Variants in ANKRD55 observed in about 807,000 individuals in gnomAD.
ANKRD55 encodes the protein ankyrin repeat domain-containing protein 55.
In ANKRD55, 41 loss-of-function variants were observed where a neutral mutation model predicts 60.6. The observed-to-expected ratio is 0.68, with a 90% CI of 0.53 to 0.88. The LOEUF (loss-of-function observed/expected upper bound fraction) is 0.88, where lower values mean the gene tolerates loss of function less well. Ranked by LOEUF, ANKRD55 falls within the 40% of genes least tolerant of loss-of-function variation. The pLI, the probability that ANKRD55 is intolerant of heterozygous loss-of-function variation, is 0.00. For missense variants in ANKRD55, 732 were observed against 767.6 expected (o/e 0.95, Z 0.55); for synonymous variants, 264 against 290.3 (o/e 0.91, Z 0.92).
rs1046594618 is a variant in ANKRD55 at position 56,232,737 on chromosome 5, C to A, written c.58+119G>T. The A allele has an allele frequency of 7.7e-6, 7 of 910,234 alleles. No individual in the cohort carries two copies. The African/African-American group carries it at 1.6e-4, about 21-fold the overall frequency. 56.4% of individuals were successfully genotyped at this position (910,234 alleles called of 1,614,324 possible). On this transcript the variant is annotated intron_variant, in intron 2 of 11. Coordinates refer to ENST00000341048, the MANE Select transcript of ANKRD55 (RefSeq NM_024669.3). ...CATAGCAAATACTCATGCACACCCA[C>A]GCACATGAACACACACACACACACA...
rs146296113 is a variant in ANKRD55 at position 56,142,505 on chromosome 5, C to T, written c.612+1296G>A. On this transcript the variant is annotated intron_variant, in intron 7 of 11. Coordinates refer to ENST00000341048, the MANE Select transcript of ANKRD55 (RefSeq NM_024669.3). ...TGGGGCTGGGATGGTGGAAGGGGGA[C>T]GCATGTCAGTCAGAATTACCTGGGG... 2.6e-3 allele frequency among the ~76,000 whole-genome samples: 395 copies of T among 152,218 alleles called. 1 individual carries two copies. Among genetic ancestry groups the T allele is most frequent in the Non-Finnish European group, 4.5e-3 (304 of 68,010 alleles).
At chr5:56,229,659 T>C (rs1192289661) in intron 2 of ANKRD55, among the ~76,000 whole-genome samples, 1 of 152,076 alleles carries the variant, frequency 6.6e-6, no homozygotes, top group Admixed American at 6.6e-5. Flanking sequence ...AAGAGAAATA[T>C]AGGAAAATGC....
intron 2 of ANKRD55, among the ~76,000 whole-genome samples, chr5:56,189,190 T>TA (rs919901855): frequency 9.9e-5 from 15 of 150,814 alleles, no homozygotes; most frequent in Admixed American, 4.6e-4. Context: ...TTTTTTTAAT[T>TA]AAAAAAATTG....
chr5:56,157,187 G>C (rs1758213918), intron 6 of ANKRD55, among the ~76,000 whole-genome samples: 1 of 152,116 alleles, frequency 6.6e-6, no homozygotes, highest in Non-Finnish European at 1.5e-5. Context: ...ATGGATTTAG[G>C]GCTATGCAGG....
At chr5:56,170,958 G>A (rs1267592648) in intron 4 of ANKRD55, among the ~76,000 whole-genome samples, 155 bp from the exon 5 acceptor site, 1 of 152,142 alleles carries the variant, frequency 6.6e-6, no homozygotes, top group African/African-American at 2.4e-5. Context: ...CATCTTAGAT[G>A]CCTCAACAGA....
rs557053861 is a variant in ANKRD55, at chr5:56,188,696, A to T, written c.59-5062T>A. Among the ~76,000 whole-genome samples, 6 of 152,344 alleles carry T rather than the reference A, an allele frequency of 3.9e-5. No homozygotes were observed. In the South Asian group the frequency reaches 1.2e-3, roughly 32 times the overall value. On this transcript the variant is annotated intron_variant, in intron 2 of 11. Coordinates refer to ENST00000341048, the MANE Select transcript of ANKRD55 (RefSeq NM_024669.3). Reference sequence around the variant, plus strand: ...TCTACGTGGCTGTTTTTATGCCAGTATCATGCTATTTTGGTTACTATAGCC... The same window carrying T: ...TCTACGTGGCTGTTTTTATGCCAGTTTCATGCTATTTTGGTTACTATAGCC...
chr5:56,126,854 C>G (rs321768), intron 8 of ANKRD55, 68 bp downstream of exon 8: 1 of 1,510,154 alleles, frequency 6.6e-7, no homozygotes, highest in East Asian at 2.3e-5. Flanking sequence ...TTAAACATCT[C>G]CTTTATTTTA....
chr5:56,232,349 A>T (rs757320094), intron 2 of ANKRD55, among the ~76,000 whole-genome samples: 3 of 152,234 alleles, frequency 2.0e-5, no homozygotes, highest in Admixed American at 6.5e-5. Context: ...ATGAGATAAC[A>T]TATCAACCCG....
At chr5:56,138,410 G>A (rs1345553861) in intron 7 of ANKRD55, among the ~76,000 whole-genome samples, 1 of 152,194 alleles carries the variant, frequency 6.6e-6, no homozygotes, top group African/African-American at 2.4e-5. Context: ...ACAGGTGTGA[G>A]CCAACGTGCC....
intron 4 of ANKRD55, among the ~76,000 whole-genome samples, chr5:56,175,623 T>C (rs1327372450): frequency 6.6e-6 from 1 of 152,070 alleles, no homozygotes; most frequent in Non-Finnish European, 1.5e-5. Flanking sequence ...TGAGCCCTGA[T>C]TGTGGGCTGA....
chr5:56,124,783 G>A (rs999075011), intron 8 of ANKRD55, among the ~76,000 whole-genome samples: 2 of 152,164 alleles, frequency 1.3e-5, no homozygotes, highest in African/African-American at 4.8e-5. Context: ...TGGGATTATA[G>A]ATGTGAGCCA....
At chr5:56,196,004 G>A (rs1167418842) in intron 2 of ANKRD55, among the ~76,000 whole-genome samples, 1 of 152,116 alleles carries the variant, frequency 6.6e-6, no homozygotes, top group African/African-American at 2.4e-5. Flanking sequence ...AGTATAAATG[G>A]TTTACTATAA....
chr5:56,221,903 G>C (rs1759975062), intron 2 of ANKRD55, among the ~76,000 whole-genome samples: 1 of 152,216 alleles, frequency 6.6e-6, no homozygotes, highest in Non-Finnish European at 1.5e-5. Context: ...TGCCTCTGTA[G>C]ACTCCACCTC....
chr5:56,122,378 C>T (rs534212455), intron 8 of ANKRD55, among the ~76,000 whole-genome samples: 37 of 152,134 alleles, frequency 2.4e-4, no homozygotes, highest in African/African-American at 7.0e-4. Flanking sequence ...AGGCCAGGCA[C>T]GGTGGCTAAC....
chr5:56,142,963 A>G (rs1036894684), intron 7 of ANKRD55, among the ~76,000 whole-genome samples: 2 of 152,208 alleles, frequency 1.3e-5, no homozygotes, highest in African/African-American at 4.8e-5. Flanking sequence ...TCAGGCACAC[A>G]TGTCAATCCT....
At chr5:56,163,325 T>C (rs1237503908) in intron 5 of ANKRD55, among the ~76,000 whole-genome samples, 2 of 152,162 alleles carry the variant, frequency 1.3e-5, no homozygotes, top group East Asian at 3.8e-4. Context: ...CTTGCTGTTC[T>C]GTGGTATGGA....
At chr5:56,166,149 T>TTCCTTC (rs1758464300) in intron 5 of ANKRD55, among the ~76,000 whole-genome samples, 1 of 63,106 alleles carries the variant, frequency 1.6e-5, no homozygotes, top group Non-Finnish European at 2.8e-5. Flanking sequence ...TTTCTTTCTT[T>TTCCTTC]CTTTCTTCTT....
At chr5:56,124,196 A>G (rs979563325) in intron 8 of ANKRD55, among the ~76,000 whole-genome samples, 23 of 152,290 alleles carry the variant, frequency 1.5e-4, no homozygotes, top group Admixed American at 5.2e-4. Flanking sequence ...TAGACTGATG[A>G]AATTTGAAAC....
rs1758591509 is a variant in ANKRD55, at chr5:56,170,694, C to A, written c.422G>T (p.Arg141Met). ...LHAATAEPDMRLLTVLLQQSN... is the reference protein window; with the variant it reads ...LHAATAEPDMMLLTVLLQQSN... ...GCATCATGTAAACCTGGCCACTTAC[C>A]TCATATCGGGCTCAGCAGTGGCAGC... is the stretch of plus-strand genomic sequence containing the variant. The change falls in exon 5 of 12, where the codon AGG (arginine) becomes ATG (methionine). Residue 141 changes from arginine (R) to methionine (M), a missense_variant and splice_region_variant. By Grantham distance (91) the Arg-to-Met change is moderately conservative (BLOSUM62 -1). This residue lies in a region of ANKRD55 where 597 missense variants were observed against 607.5 expected (regional missense o/e 0.98). Transcript: ENST00000341048. The A allele has an allele frequency of 6.2e-7, 1 of 1,613,586 alleles. No homozygotes were observed. Among genetic ancestry groups the A allele is most frequent in the Admixed American group, 1.7e-5 (1 of 59,982 alleles).
Sources: gnomAD v4.1 joint callset for allele counts (sites outside exome capture counted in the v4.1 genomes callset) on GRCh38, gnomAD v4.1.1 for gene constraint, gnomAD v4.1.1 regional missense constraint, MANE v1.5 for transcripts, NCBI Gene and HGNC (gene_info 2026-07-23, HGNC 2026-07-21) for gene names.